Variants in CRB1 observed in about 807,000 individuals in gnomAD.
CRB1 encodes crumbs cell polarity complex component 1, also known as protein crumbs homolog 1.
CRB1 carries 83 observed loss-of-function variants against 120.0 expected under a neutral mutation model. The ratio of observed to expected loss-of-function variants is 0.69; its 90% CI spans 0.58 to 0.83. CRB1 has a LOEUF of 0.83. CRB1 is among the 40% of genes least tolerant of loss of function. The pLI, the probability that CRB1 is intolerant of heterozygous loss-of-function variation, is 0.00. For missense variants in CRB1, 1,699 were observed against 1,687.6 expected (o/e 1.01, Z -0.12); for synonymous variants, 625 against 612.5 (o/e 1.02, Z -0.30).
chr1:197,309,483 T>G (rs1657381189), intron 1 of CRB1, among the ~76,000 whole-genome samples: 1 of 152,078 alleles, frequency 6.6e-6, no homozygotes. Flanking sequence ...GGCCAGGCGC[T>G]GTGGCTCACG....
intron 11 of CRB1, among the ~76,000 whole-genome samples, chr1:197,451,398 C>G (rs1665966674): frequency 6.6e-6 from 1 of 152,142 alleles, no homozygotes; most frequent in Non-Finnish European, 1.5e-5. Context: ...TCACCTGATA[C>G]TTTGGAGAAA....
At chr1:197,293,294 A>T (rs1335572241) in intron 1 of CRB1, among the ~76,000 whole-genome samples, 1 of 152,168 alleles carries the variant, frequency 6.6e-6, no homozygotes, top group African/African-American at 2.4e-5. Flanking sequence ...CCAAATCATG[A>T]GTGAACTCCC....
intron 1 of CRB1, among the ~76,000 whole-genome samples, chr1:197,305,696 A>T (rs1374205773): frequency 2.6e-5 from 4 of 151,994 alleles, no homozygotes; most frequent in Non-Finnish European, 5.9e-5. Flanking sequence ...CGTCTTGATA[A>T]TCAATATTAA....
At chr1:197,255,996 T>TATACATAC in the CRB1 span, among the ~76,000 whole-genome samples, 1 of 116,710 alleles carries the variant, frequency 8.6e-6, no homozygotes, top group Non-Finnish European at 1.7e-5. Flanking sequence ...TATATATATA[T>TATACATAC]ACACTACAAT....
At position 197,276,275 on chromosome 1, in the gene CRB1, C is replaced by A. The variant is rs74855446; in HGVS notation, c.70+7793C>A. Among the ~76,000 whole-genome samples the A allele has an allele frequency of 4.5e-3, 678 of 151,678 alleles. 3 individuals are homozygous for A. Among genetic ancestry groups the A allele is most frequent in the East Asian group, 0.022 (112 of 5,134 alleles). ...TTTGGAGTTGAATGGTTTGACGGGA[C>A]CAAAAATTTTACTGGTTTTAGAGGC... On this transcript the variant is annotated intron_variant, in intron 1 of 11. Transcript: ENST00000367400.
At chr1:197,223,210 T>G in the CRB1 span, 1 of 1,174,454 alleles carries the variant, frequency 8.5e-7, no homozygotes, top group Non-Finnish European at 1.3e-6. Context: ...CTGGATATGA[T>G]AGCATCATTT....
At chr1:197,224,678 TA>T in the CRB1 span, among the ~76,000 whole-genome samples, 1 of 152,128 alleles carries the variant, frequency 6.6e-6, no homozygotes, top group Non-Finnish European at 1.5e-5. Context: ...TCTTGGCTAT[TA>T]ATACTGCAAA....
the CRB1 span, among the ~76,000 whole-genome samples, chr1:197,227,189 G>A: frequency 3.9e-5 from 6 of 152,064 alleles, no homozygotes; most frequent in African/African-American, 7.2e-5. Context: ...ACAGCCCAGA[G>A]TGTCATCTGA....
At chr1:197,431,496 T>C (rs1664869452) in intron 8 of CRB1, among the ~76,000 whole-genome samples, 1 of 152,212 alleles carries the variant, frequency 6.6e-6, no homozygotes, top group Admixed American at 6.5e-5. Context: ...CTGTTGATCT[T>C]TTGATAGAAA....
chr1:197,473,854 A>G (rs538071757), intron 11 of CRB1, among the ~76,000 whole-genome samples: 3 of 121,514 alleles, frequency 2.5e-5, no homozygotes, highest in African/African-American at 1.0e-4. Context: ...ATAGTGGAGC[A>G]AAAAAAAAAA....
At chr1:197,359,996 T>G (rs1286503845) in intron 5 of CRB1, among the ~76,000 whole-genome samples, 1 of 151,984 alleles carries the variant, frequency 6.6e-6, no homozygotes, top group Non-Finnish European at 1.5e-5. Flanking sequence ...ACCCTGGGCG[T>G]TTTTTGTGAG....
At chr1:197,354,825 ACCCCC>A (rs1558076296) in intron 4 of CRB1, among the ~76,000 whole-genome samples, 1 of 14,212 alleles carries the variant, frequency 7.0e-5, no homozygotes, top group Admixed American at 1.3e-3. Context: ...CCGCCCCCCC[ACCCCC>A]CCCCCCCGCC....
intron 2 of CRB1, among the ~76,000 whole-genome samples, chr1:197,335,753 T>A (rs1189193475): frequency 6.6e-6 from 1 of 152,208 alleles, no homozygotes; most frequent in Non-Finnish European, 1.5e-5. Flanking sequence ...CGCCTAGGCC[T>A]CCCAGAGTGG....
intron 5 of CRB1, among the ~76,000 whole-genome samples, chr1:197,378,225 A>G (rs140487123): frequency 1.8e-3 from 267 of 152,344 alleles, no homozygotes; most frequent in Non-Finnish European, 3.1e-3. Flanking sequence ...TCAAGTATCA[A>G]ACAATGATAT....
At position 197,268,324 on chromosome 1, in the gene CRB1, C is replaced by T; in HGVS notation, c.-89C>T. ...ATGGCACCTGGGGGTTCTGAGGCAC[C>T]CGCTCCTCTCTGAGACAGACAGGGA... On this transcript the variant is annotated 5_prime_UTR_variant, in exon 1 of 12. Transcript: ENST00000367400. The T allele has an allele frequency of 2.1e-6, 2 of 949,890 alleles. No homozygotes were observed. The highest frequency in any genetic ancestry group is 1.7e-5 in the Admixed American group (1 of 58,972). The allele number at this position is 949,890 out of a possible 1,614,324, so 58.8% of individuals were successfully genotyped here.
rs570626990 is a variant in CRB1, at chr1:197,312,329, C to T, written c.71-16093C>T. Reference sequence around the variant, plus strand: ...CTGTAATCCCAGCAATTTAGGAGGCCGAGATGGATGAATCACCTGAGGTCA... The same window carrying T: ...CTGTAATCCCAGCAATTTAGGAGGCTGAGATGGATGAATCACCTGAGGTCA... On this transcript the variant is annotated intron_variant, in intron 1 of 11. Coordinates refer to ENST00000367400, the MANE Select transcript of CRB1 (RefSeq NM_201253.3). Among the ~76,000 whole-genome samples the T allele has an allele frequency of 1.5e-3, 226 of 152,132 alleles. 1 individual carries two copies. The highest frequency in any genetic ancestry group is 3.9e-3 in the Admixed American group (59 of 15,286).
the CRB1 span, among the ~76,000 whole-genome samples, chr1:197,242,426 T>G: frequency 2.7e-4 from 41 of 152,280 alleles, no homozygotes; most frequent in Middle Eastern, 6.8e-3. Context: ...CTGCATCTAT[T>G]GAGATAATCA....
intron 5 of CRB1, among the ~76,000 whole-genome samples, chr1:197,414,873 A>C (rs1923760): frequency 0.069 from 10,489 of 152,220 alleles, 1,260 homozygotes; most frequent in African/African-American, 0.24. Flanking sequence ...TACATTGGAC[A>C]TGTCAATAGA....
intron 5 of CRB1, among the ~76,000 whole-genome samples, chr1:197,361,259 A>G (rs1401112883): frequency 1.3e-5 from 2 of 151,766 alleles, no homozygotes; most frequent in Non-Finnish European, 2.9e-5. Context: ...TGACCTCATA[A>G]AATAAGTTGG....
Sources: allele counts gnomAD v4.1 joint callset (sites outside exome capture counted in the v4.1 genomes callset), GRCh38; gene constraint gnomAD v4.1.1; transcripts MANE v1.5; gene names NCBI Gene and HGNC (gene_info 2026-07-23, HGNC 2026-07-21).